The following DPF3 variants were observed in gnomAD, a reference collection of about 807,000 sequenced individuals.
DPF3 encodes the protein double PHD fingers 3.
A neutral mutation model predicts 56.8 loss-of-function variants in DPF3; 18 were observed. The ratio of observed to expected loss-of-function variants is 0.32; its 90% CI spans 0.22 to 0.47. DPF3 has a LOEUF of 0.47. Ranked by LOEUF, DPF3 falls within the 20% of genes least tolerant of loss-of-function variation. The probability of loss-of-function intolerance (pLI) is 1.00; values close to 1 mark genes in which losing one functional copy is unlikely to be tolerated. For synonymous variants in DPF3, 188 were observed against 180.2 expected (o/e 1.04, Z -0.35); for missense variants, 403 against 488.8 (o/e 0.82, Z 1.65).
In DPF3 at chr14:72,612,028, G is replaced by A. The variant is rs1482438212; in HGVS notation, c.*7269C>T. Among the ~76,000 whole-genome samples, 1 of 152,134 alleles carries A rather than the reference G, an allele frequency of 6.6e-6. No homozygotes were observed. Among genetic ancestry groups the A allele is most frequent in the African/African-American group, 2.4e-5 (1 of 41,436 alleles). On this transcript the variant is annotated 3_prime_UTR_variant, in exon 11 of 11. Transcript: ENST00000556509. The stretch of plus-strand genomic sequence containing the variant: ...CAGCCCCTACAGGACCTAGAGCATT[G>A]CCTCGCACACAGTCGATGCCCTGCC...
intron 1 of DPF3, among the ~76,000 whole-genome samples, chr14:72,794,158 C>T (rs1892548664): frequency 6.6e-6 from 1 of 152,198 alleles, no homozygotes; most frequent in South Asian, 2.1e-4. Context: ...CTACCCTCAG[C>T]TGCAAAATGG....
chr14:72,730,062 C>A (rs893507762), intron 4 of DPF3, among the ~76,000 whole-genome samples: 9 of 152,008 alleles, frequency 5.9e-5, no homozygotes, highest in African/African-American at 1.7e-4. Context: ...TGCTGTGAAC[C>A]TAAAACTGCT....
At position 72,859,568 on chromosome 14, in the gene DPF3, C is replaced by T. The variant is rs552404502; in HGVS notation, c.32+34489G>A. Reference sequence around the variant, plus strand: ...CCCAGGCCATCCCTCTTCGACCTTACCCTGGCCCAGGGGACAGAGCGGGTG... The same window carrying T: ...CCCAGGCCATCCCTCTTCGACCTTATCCTGGCCCAGGGGACAGAGCGGGTG... On this transcript the variant is annotated intron_variant, in intron 1 of 10. Coordinates refer to ENST00000556509, the MANE Select transcript of DPF3 (RefSeq NM_001280542.3). Among the ~76,000 whole-genome samples the T allele has an allele frequency of 2.7e-4, 41 of 149,446 alleles. 1 individual carries two copies. In the South Asian group the frequency reaches 6.7e-3, roughly 25 times the overall value.
chr14:72,708,575 G>A (rs889165140), intron 6 of DPF3, among the ~76,000 whole-genome samples: 3 of 152,144 alleles, frequency 2.0e-5, no homozygotes, highest in Admixed American at 6.5e-5. Context: ...AAGAATATGT[G>A]CCTTAATGCC....
intron 8 of DPF3, chr14:72,661,091 C>G: frequency 1.0e-6 from 1 of 985,486 alleles, no homozygotes; most frequent in Non-Finnish European, 1.2e-6. Flanking sequence ...CTTACACACA[C>G]TTGGTACAAA....
At chr14:72,631,457 G>A (rs902560821) in intron 8 of DPF3, among the ~76,000 whole-genome samples, 1 of 152,180 alleles carries the variant, frequency 6.6e-6, no homozygotes, top group African/African-American at 2.4e-5. Flanking sequence ...ACTGGGATGG[G>A]TACAGGGTAG....
At chr14:72,640,960 T>C (rs1385934273) in intron 8 of DPF3, among the ~76,000 whole-genome samples, 2 of 151,770 alleles carry the variant, frequency 1.3e-5, no homozygotes, top group Non-Finnish European at 2.9e-5. Context: ...ACCATTGGAG[T>C]TGAAAGCGTT....
At chr14:72,848,356 G>A (rs1434616041) in intron 1 of DPF3, among the ~76,000 whole-genome samples, 1 of 151,976 alleles carries the variant, frequency 6.6e-6, no homozygotes, top group African/African-American at 2.4e-5. Flanking sequence ...GTAGAGACAG[G>A]GTTTCACTAT....
chr14:72,635,591 T>C (rs1300764679), intron 8 of DPF3, among the ~76,000 whole-genome samples: 1 of 152,162 alleles, frequency 6.6e-6, no homozygotes, highest in Non-Finnish European at 1.5e-5. Context: ...GGGGAGAAAA[T>C]ATCTAAATAT....
rs966450264 is a variant in DPF3 at position 72,770,508 on chromosome 14, AGTGT to A, written c.193+1221_193+1224del. The stretch of plus-strand genomic sequence containing the variant: ...TATTTGAGCTCTGATAGTGATTGTG[AGTGT>A]GTTTGTTTGTTTAAGTTCTTTACCA... On this transcript the variant is annotated intron_variant, in intron 2 of 10. Coordinates refer to ENST00000556509, the MANE Select transcript of DPF3 (RefSeq NM_001280542.3). Among the ~76,000 whole-genome samples the A allele has an allele frequency of 3.4e-4, 52 of 152,306 alleles. No homozygotes were observed. In the East Asian group the frequency reaches 4.8e-3, roughly 14 times the overall value.
At chr14:72,633,279 T>C (rs969623344) in intron 8 of DPF3, among the ~76,000 whole-genome samples, 2 of 152,224 alleles carry the variant, frequency 1.3e-5, no homozygotes, top group African/African-American at 4.8e-5. Flanking sequence ...TAGTTGAATG[T>C]ATGGGTCGAA....
intron 3 of DPF3, among the ~76,000 whole-genome samples, chr14:72,740,160 C>T (rs1226538856): frequency 6.6e-6 from 1 of 152,090 alleles, no homozygotes; most frequent in East Asian, 1.9e-4. Flanking sequence ...CTGCCTGGAG[C>T]ACGGTGAGCC....
intron 1 of DPF3, among the ~76,000 whole-genome samples, chr14:72,795,561 C>T (rs1309551912): frequency 6.6e-6 from 1 of 152,114 alleles, no homozygotes; most frequent in Non-Finnish European, 1.5e-5. Flanking sequence ...AGAAATTGCT[C>T]GGTACTGTTA....
intron 1 of DPF3, among the ~76,000 whole-genome samples, chr14:72,853,864 A>G (rs1013512846): frequency 6.6e-6 from 1 of 152,188 alleles, no homozygotes; most frequent in Admixed American, 6.5e-5. Flanking sequence ...AGAAAGGACA[A>G]TATCTTCAAA....
At chr14:72,718,769 C>CTTTTTTTTTTTTTTTTTTT (rs1172947236) in intron 5 of DPF3, among the ~76,000 whole-genome samples, 1 of 14,750 alleles carries the variant, frequency 6.8e-5, no homozygotes. Context: ...TACACCCTTG[C>CTTTTTTTTTTTTTTTTTTT]TATTTTTTTT....
intron 1 of DPF3, among the ~76,000 whole-genome samples, chr14:72,813,210 G>A (rs968458357): frequency 6.6e-6 from 1 of 152,100 alleles, no homozygotes; most frequent in African/African-American, 2.4e-5. Context: ...GGGTTCAGGG[G>A]ACAAAAAATA....
intron 9 of DPF3, 69 bp from the exon 10 acceptor site, chr14:72,620,053 C>G (rs1884328696): frequency 1.4e-6 from 2 of 1,437,156 alleles, no homozygotes; most frequent in African/African-American, 2.8e-5. Flanking sequence ...CTGGCCCCCG[C>G]TTACCCATCA....
chr14:72,887,545 T>C (rs765456035), intron 1 of DPF3, among the ~76,000 whole-genome samples: 109 of 152,152 alleles, frequency 7.2e-4, no homozygotes, highest in Non-Finnish European at 1.4e-3. Context: ...AGCCACACTT[T>C]AAAAATAAGA....
intron 1 of DPF3, among the ~76,000 whole-genome samples, chr14:72,870,525 G>T (rs1358425477): frequency 1.3e-5 from 2 of 152,216 alleles, no homozygotes; most frequent in African/African-American, 4.8e-5. Flanking sequence ...TATGCAATAA[G>T]CTGTGCTCCT....
Sources: gnomAD v4.1 joint callset for allele counts (sites outside exome capture counted in the v4.1 genomes callset) on GRCh38, gnomAD v4.1.1 for gene constraint, MANE v1.5 for transcripts, NCBI Gene and HGNC (gene_info 2026-07-23, HGNC 2026-07-21) for gene names.